Variants in MAP2 observed in about 807,000 individuals in gnomAD.
MAP2 encodes the protein microtubule-associated protein 2.
In MAP2, 14 loss-of-function variants were observed where a neutral mutation model predicts 137.6. The ratio of observed to expected loss-of-function variants is 0.10; its 90% confidence interval spans 0.07 to 0.16. MAP2 has a LOEUF of 0.16. Ranked by LOEUF, MAP2 falls within the 10% of genes least tolerant of loss-of-function variation. MAP2 has a pLI of 1.00. For synonymous variants in MAP2, 786 were observed against 782.3 expected, an observed-to-expected ratio of 1.00 and a Z score of -0.08; for missense variants, 2,088 against 2,191.5, an observed-to-expected ratio of 0.95 and a Z score of 0.94.
intron 3 of MAP2, among the ~76,000 whole-genome samples, chr2:209,624,202 CA>C (rs1329314199): frequency 2.0e-5 from 3 of 152,072 alleles, no homozygotes; most frequent in Admixed American, 2.0e-4. Context: ...ACCTGTAGAG[CA>C]ACATCTTCCT....
chr2:209,656,463 T>G (rs2153619470), intron 5 of MAP2, among the ~76,000 whole-genome samples: 1 of 152,038 alleles, frequency 6.6e-6, no homozygotes, highest in East Asian at 1.9e-4. Flanking sequence ...TGAGCTGTGA[T>G]CAGGCCACTG....
At chr2:209,479,514 G>A (rs1011308027) in intron 1 of MAP2, among the ~76,000 whole-genome samples, 3 of 151,992 alleles carry the variant, frequency 2.0e-5, no homozygotes, top group African/African-American at 7.2e-5. Context: ...GCTGGAAATC[G>A]GAAATTCACA....
chr2:209,713,223 G>A (rs951004660), intron 13 of MAP2, among the ~76,000 whole-genome samples: 1 of 152,140 alleles, frequency 6.6e-6, no homozygotes, highest in East Asian at 1.9e-4. Flanking sequence ...CTAAAAATTG[G>A]TAGAGGAAAT....
chr2:209,509,591 C>A (rs2061484460), intron 2 of MAP2, among the ~76,000 whole-genome samples: 1 of 151,872 alleles, frequency 6.6e-6, no homozygotes, highest in Non-Finnish European at 1.5e-5. Context: ...TAGTAAGTCT[C>A]TTAAAACTAT....
chr2:209,695,914 G>A lies in MAP2; in HGVS notation c.3744G>A (p.Leu1248=). ...EIEAQGEYDK[L]LFRSDTLQIT... is the part of the protein sequence containing the mutation. Reference sequence around the variant, plus strand: ...AAGCCCAGGGAGAATATGATAAACTGCTCTTCCGCTCAGACACCCTTCAGA... The same window carrying A: ...AAGCCCAGGGAGAATATGATAAACTACTCTTCCGCTCAGACACCCTTCAGA... Residue 1248 remains leucine, a synonymous_variant, in exon 8 of 16, where the codon CTG becomes CTA. Coordinates refer to ENST00000682079, the MANE Select transcript of MAP2 (RefSeq NM_001375505.1). The A allele has an allele frequency of 6.2e-7, 1 of 1,614,124 alleles. No homozygotes were observed. Among genetic ancestry groups the A allele is most frequent in the Non-Finnish European group, 8.5e-7 (1 of 1,180,028 alleles).
chr2:209,691,231 A>G (rs909400279), intron 7 of MAP2, among the ~76,000 whole-genome samples: 5 of 150,712 alleles, frequency 3.3e-5, no homozygotes, highest in African/African-American at 1.2e-4. Context: ...ATATGCTTTT[A>G]TTTCAAATCG....
chr2:209,577,285 A>G (rs2075511337), intron 2 of MAP2, among the ~76,000 whole-genome samples: 2 of 151,966 alleles, frequency 1.3e-5, no homozygotes, highest in Admixed American at 6.6e-5. Flanking sequence ...ATCTCTTGTG[A>G]TTATTACCTG....
intron 1 of MAP2, among the ~76,000 whole-genome samples, chr2:209,441,296 A>T (rs1574928056): frequency 1.3e-5 from 2 of 150,722 alleles, no homozygotes; most frequent in African/African-American, 4.9e-5. Context: ...TCACTAATGT[A>T]CATAATACCA....
intron 4 of MAP2, among the ~76,000 whole-genome samples, chr2:209,644,466 C>G (rs2094266500): frequency 6.6e-6 from 1 of 151,890 alleles, no homozygotes; most frequent in South Asian, 2.1e-4. Context: ...AAAACTATTC[C>G]CCTCTTAACC....
intron 11 of MAP2, among the ~76,000 whole-genome samples, chr2:209,700,617 G>A (rs1559611579): frequency 2.0e-5 from 3 of 152,130 alleles, no homozygotes; most frequent in South Asian, 4.1e-4. Context: ...AAGTAAGGAA[G>A]TCCAGTTTAG....
chr2:209,624,592 G>T (rs570314115), intron 3 of MAP2, among the ~76,000 whole-genome samples: 36 of 152,198 alleles, frequency 2.4e-4, no homozygotes, highest in African/African-American at 8.7e-4. Flanking sequence ...TTAATGAGTT[G>T]TTAAAAAATT....
At chr2:209,663,398 C>A (rs542123701) in intron 5 of MAP2, among the ~76,000 whole-genome samples, 1 of 152,064 alleles carries the variant, frequency 6.6e-6, no homozygotes, top group African/African-American at 2.4e-5. Flanking sequence ...CGTGTCCTGC[C>A]GGCTCACTGT....
chr2:209,557,995 G>T (rs1331490539), intron 2 of MAP2, among the ~76,000 whole-genome samples: 6 of 151,972 alleles, frequency 3.9e-5, no homozygotes, highest in African/African-American at 1.2e-4. Context: ...TTTTAATTTT[G>T]AATAATTTTA....
At chr2:209,723,726 G>C in intron 13 of MAP2, 10 of 1,429,120 alleles carry the variant, frequency 7.0e-6, no homozygotes, top group Non-Finnish European at 9.9e-6. Flanking sequence ...TCCTGATTGC[G>C]TGGAGCCACC....
intron 1 of MAP2, among the ~76,000 whole-genome samples, chr2:209,475,820 A>G (rs1295546408): frequency 6.6e-6 from 1 of 152,182 alleles, no homozygotes; most frequent in Non-Finnish European, 1.5e-5. Flanking sequence ...TACAAGAAAT[A>G]TGAACACGGT....
At chr2:209,438,312 T>A (rs949249171) in intron 1 of MAP2, among the ~76,000 whole-genome samples, 2 of 151,676 alleles carry the variant, frequency 1.3e-5, no homozygotes, top group Non-Finnish European at 3.0e-5. Context: ...TTCATTATTT[T>A]AAAATAATTA....
intron 2 of MAP2, among the ~76,000 whole-genome samples, chr2:209,516,538 A>C (rs1386358009): frequency 6.6e-6 from 1 of 152,174 alleles, no homozygotes; most frequent in Non-Finnish European, 1.5e-5. Context: ...GAATAAAAAA[A>C]GGGAAGGGTT....
chr2:209,434,535 G>A (rs1282504629), intron 1 of MAP2, among the ~76,000 whole-genome samples: 1 of 151,606 alleles, frequency 6.6e-6, no homozygotes, highest in African/African-American at 2.4e-5. Context: ...CAGACTTGCA[G>A]TTACTGAAAT....
chr2:209,652,545 A>C (rs927264514), intron 4 of MAP2, among the ~76,000 whole-genome samples: 8 of 152,186 alleles, frequency 5.3e-5, no homozygotes, highest in African/African-American at 1.9e-4. Context: ...CATATCCAGA[A>C]AAGTGTATCT....
Sources: gnomAD v4.1 joint callset for allele counts (sites outside exome capture counted in the v4.1 genomes callset) on GRCh38, gnomAD v4.1.1 for gene constraint, MANE v1.5 for transcripts, NCBI Gene and HGNC (gene_info 2026-07-23, HGNC 2026-07-21) for gene names.